LRP1B: variants seen among roughly 807,000 people sequenced by gnomAD.
The protein encoded by LRP1B is LDL receptor related protein 1B.
LRP1B carries 217 observed loss-of-function variants against 556.6 expected under a neutral mutation model. That is an observed-to-expected ratio of 0.39 (90% CI 0.35 to 0.44). The LOEUF is 0.44. Ranked by LOEUF, LRP1B falls within the 20% of genes least tolerant of loss-of-function variation. The pLI is 1.00. For synonymous variants in LRP1B, 2,047 were observed against 1,865.8 expected, an observed-to-expected ratio of 1.10 and a Z score of -2.50; for missense variants, 5,053 against 5,620.8, an observed-to-expected ratio of 0.90 and a Z score of 3.23.
intron 18 of LRP1B, among the ~76,000 whole-genome samples, chr2:140,958,718 A>G (rs1695946205): frequency 6.6e-6 from 1 of 151,654 alleles, no homozygotes; most frequent in Admixed American, 6.6e-5. Context: ...ATTCACATAA[A>G]CACCGTAGTG....
At chr2:141,973,607 C>A (rs1254049151) in intron 1 of LRP1B, among the ~76,000 whole-genome samples, 2 of 151,792 alleles carry the variant, frequency 1.3e-5, no homozygotes, top group East Asian at 3.9e-4. Context: ...GACATTGATG[C>A]TTCCTTCAAG....
intron 2 of LRP1B, among the ~76,000 whole-genome samples, chr2:141,771,153 T>C (rs1010318140): frequency 3.9e-5 from 6 of 152,238 alleles, no homozygotes; most frequent in African/African-American, 1.4e-4. Context: ...TTCTAAGTGT[T>C]ATTGACTGAT....
chr2:141,473,088 C>A (rs4446019), intron 3 of LRP1B, among the ~76,000 whole-genome samples: 66,805 of 151,824 alleles, frequency 0.44, 14,998 homozygotes, highest in Non-Finnish European at 0.49. Context: ...CATTTTTAAA[C>A]TTGAATTCTA....
At chr2:140,808,444 C>G (rs1376774428) in intron 32 of LRP1B, among the ~76,000 whole-genome samples, 1 of 152,112 alleles carries the variant, frequency 6.6e-6, no homozygotes, top group Non-Finnish European at 1.5e-5. Context: ...CTTCAATCTT[C>G]TCTCACTGTC....
chr2:140,514,837 G>C lies in LRP1B; in HGVS notation c.8150-65C>G, dbSNP rs1199100244. ...ACCGTCTTACAACAGATCCGACAGT[G>C]AGAAGATTCTTTCTTAGACTTTGCT... On this transcript the variant is annotated intron_variant, in intron 50 of 90. Transcript: ENST00000389484. The C allele has an allele frequency of 5.7e-6, 8 of 1,410,004 alleles. No homozygotes were observed. In the East Asian group the frequency reaches 2.0e-4, roughly 35 times the overall value. 87.3% of individuals were successfully genotyped at this position (1,410,004 alleles called of 1,614,324 possible). A position where few individuals can be genotyped will look rare whatever the true frequency, so the allele number is the denominator to read the frequency against.
At chr2:140,363,648 A>C (rs377356129) in intron 72 of LRP1B, among the ~76,000 whole-genome samples, 9 of 151,646 alleles carry the variant, frequency 5.9e-5, no homozygotes, top group African/African-American at 1.9e-4. Context: ...ACTCATCATA[A>C]TGAGTTGTAT....
intron 66 of LRP1B, among the ~76,000 whole-genome samples, chr2:140,434,294 T>A (rs1686080940): frequency 6.6e-6 from 1 of 152,106 alleles, no homozygotes; most frequent in Admixed American, 6.6e-5. Context: ...GGTCTTGAAC[T>A]CCTGACCTCA....
chr2:141,371,247 T>C (rs372960590), intron 3 of LRP1B, among the ~76,000 whole-genome samples: 2 of 152,220 alleles, frequency 1.3e-5, no homozygotes, highest in Admixed American at 1.3e-4. Flanking sequence ...TCTATTTTTA[T>C]ACCAGTAACA....
chr2:141,634,071 G>A (rs355598), intron 2 of LRP1B, among the ~76,000 whole-genome samples: 147,010 of 151,942 alleles, frequency 0.97, 71,195 homozygotes, highest in East Asian at 1. Context: ...GTCTCAGCTT[G>A]AAGAGTATTT....
At chr2:140,915,126 G>A (rs919082116) in intron 21 of LRP1B, among the ~76,000 whole-genome samples, 1 of 152,088 alleles carries the variant, frequency 6.6e-6, no homozygotes, top group African/African-American at 2.4e-5. Flanking sequence ...GATTGCAAGG[G>A]GTGGAGGAAT....
intron 2 of LRP1B, among the ~76,000 whole-genome samples, chr2:141,658,245 T>C (rs1690087957): frequency 6.6e-6 from 1 of 152,320 alleles, no homozygotes; most frequent in South Asian, 2.1e-4. Flanking sequence ...ACACACCACA[T>C]AGAGACAATA....
At chr2:140,366,274 T>G (rs577988968) in intron 71 of LRP1B, among the ~76,000 whole-genome samples, 1 of 151,826 alleles carries the variant, frequency 6.6e-6, no homozygotes, top group South Asian at 2.1e-4. Flanking sequence ...GCTAAATAGA[T>G]GAGAGTGGCA....
At chr2:140,622,899 T>C (rs1324077866) in intron 41 of LRP1B, among the ~76,000 whole-genome samples, 3 of 152,138 alleles carry the variant, frequency 2.0e-5, no homozygotes, top group African/African-American at 7.2e-5. Context: ...ACTGACTATC[T>C]TCAATTACTA....
At position 140,410,826 on chromosome 2, in the gene LRP1B, C is replaced by T. The variant is rs552231252; in HGVS notation, c.10415-24817G>A. Among the ~76,000 whole-genome samples, 9 of 152,214 alleles carry T rather than the reference C, an allele frequency of 5.9e-5. No homozygotes were observed. In the East Asian group the frequency reaches 1.2e-3, roughly 20 times the overall value. On this transcript the variant is annotated intron_variant, in intron 66 of 90. Transcript: ENST00000389484. Reference sequence around the variant, plus strand: ...AGAATTGGTATTCTAAAACGTATATCCCATGACATGTCTTCATTGTCATCA... The same window carrying T: ...AGAATTGGTATTCTAAAACGTATATTCCATGACATGTCTTCATTGTCATCA...
intron 3 of LRP1B, chr2:141,286,923 A>G (rs909845362): frequency 5.8e-5 from 13 of 225,258 alleles, no homozygotes; most frequent in Non-Finnish European, 1.1e-4. Flanking sequence ...GCTACTGAGG[A>G]CTTGAAATGA....
rs144134594 is a variant in LRP1B, at chr2:141,073,907, A to G, written c.1014-11634T>C. ...CTAAACCAAGTAACAGTCATCTGTT[A>G]CTTGGCAATTTACACTGTATCTCAG... On this transcript the variant is annotated intron_variant, in intron 7 of 90. Coordinates refer to ENST00000389484, the MANE Select transcript of LRP1B (RefSeq NM_018557.3). Among the ~76,000 whole-genome samples the G allele has an allele frequency of 3.4e-3, 520 of 152,192 alleles. 2 individuals carry two copies. Among genetic ancestry groups the G allele is most frequent in the African/African-American group, 0.012 (498 of 41,564 alleles).
At chr2:141,002,364 C>T (rs1387629030) in intron 15 of LRP1B, among the ~76,000 whole-genome samples, 1 of 151,972 alleles carries the variant, frequency 6.6e-6, no homozygotes, top group Non-Finnish European at 1.5e-5. Context: ...AGAAGAAATG[C>T]TGTTTACATA....
At chr2:141,952,782 CTT>C (rs1394944596) in intron 1 of LRP1B, among the ~76,000 whole-genome samples, 1 of 152,112 alleles carries the variant, frequency 6.6e-6, no homozygotes, top group African/African-American at 2.4e-5. Context: ...TTCAAATTAT[CTT>C]TACGTTGGGT....
chr2:140,692,855 G>C (rs905095171), intron 41 of LRP1B, among the ~76,000 whole-genome samples: 1 of 143,650 alleles, frequency 7.0e-6, no homozygotes, highest in African/African-American at 2.6e-5. Context: ...TGTGAAATCT[G>C]TTCTTACCCT....
Sources: gnomAD v4.1 joint callset for allele counts (sites outside exome capture counted in the v4.1 genomes callset) on GRCh38, gnomAD v4.1.1 for gene constraint, MANE v1.5 for transcripts, NCBI Gene and HGNC (gene_info 2026-07-23, HGNC 2026-07-21) for gene names.